Variants in MYO16 observed in about 807,000 individuals in gnomAD.
MYO16 encodes the protein myosin XVI, also known as unconventional myosin-XVI.
MYO16 carries 94 observed loss-of-function variants against 205.3 expected under a neutral mutation model. That is an observed-to-expected ratio of 0.46 (90% CI 0.39 to 0.54). The LOEUF is 0.54. Ranked by LOEUF, MYO16 falls within the 20% of genes least tolerant of loss-of-function variation. The pLI is 0.00. For synonymous variants in MYO16, 988 were observed against 954.0 expected (o/e 1.04, Z -0.66); for missense variants, 2,315 against 2,387.5 (o/e 0.97, Z 0.63).
the MYO16 span, among the ~76,000 whole-genome samples, chr13:108,580,515 T>C: frequency 6.6e-6 from 1 of 152,232 alleles, no homozygotes; most frequent in African/African-American, 2.4e-5. Context: ...TATCTGTTTA[T>C]TTGGTTAAAT....
At chr13:108,883,036 C>T in intron 12 of MYO16, 23 bp from the exon 13 acceptor site, 2 of 1,612,280 alleles carry the variant, frequency 1.2e-6, no homozygotes, top group African/African-American at 2.7e-5. Context: ...AGGTTTTCCC[C>T]TTGCTGCTGC....
chr13:109,112,110 AC>A (rs1889305851), intron 28 of MYO16, among the ~76,000 whole-genome samples: 1 of 152,236 alleles, frequency 6.6e-6, no homozygotes, highest in Non-Finnish European at 1.5e-5. Flanking sequence ...AAGAAGGTTC[AC>A]ATTGGTTTTC....
At chr13:109,018,365 C>G (rs1377504716) in intron 22 of MYO16, among the ~76,000 whole-genome samples, 1 of 152,196 alleles carries the variant, frequency 6.6e-6, no homozygotes, top group Non-Finnish European at 1.5e-5. Flanking sequence ...GAAGCTTTGT[C>G]TCAGAGGGGT....
chr13:109,196,998 T>G lies in MYO16; in HGVS notation c.5416-9611T>G, dbSNP rs551548837. On this transcript the variant is annotated intron_variant, in intron 34 of 34. Transcript: ENST00000457511. ...TGTACCTATTATAGAACAGTACAAT[T>G]TTTTCCGTGCCATCCCAAAATAATA... Among the ~76,000 whole-genome samples the G allele has an allele frequency of 2.0e-5, 3 of 152,304 alleles. No individual in the cohort carries two copies. In the East Asian group the frequency reaches 5.8e-4, roughly 29 times the overall value.
chr13:108,670,569 G>T (rs944922345), intron 2 of MYO16, among the ~76,000 whole-genome samples: 1 of 152,260 alleles, frequency 6.6e-6, no homozygotes, highest in South Asian at 2.1e-4. Flanking sequence ...ATGCAAGTAT[G>T]GGAGAACAAA....
chr13:109,153,239 T>C (rs1877779541), intron 32 of MYO16, among the ~76,000 whole-genome samples: 1 of 152,042 alleles, frequency 6.6e-6, no homozygotes, highest in Admixed American at 6.5e-5. Context: ...TACGGGCAAA[T>C]AGGAAACAAA....
chr13:108,560,667 G>A, the MYO16 span, among the ~76,000 whole-genome samples: 1 of 152,042 alleles, frequency 6.6e-6, no homozygotes, highest in South Asian at 2.1e-4. Context: ...TTAAACTGGT[G>A]TTATTTGCTT....
intron 12 of MYO16, among the ~76,000 whole-genome samples, chr13:108,870,907 TTGC>T (rs1433942720): frequency 2.6e-5 from 4 of 152,040 alleles, no homozygotes. Flanking sequence ...TTCTACATGT[TTGC>T]TATTTTATAA....
chr13:108,746,601 A>C (rs1885072475), intron 4 of MYO16, among the ~76,000 whole-genome samples: 1 of 152,196 alleles, frequency 6.6e-6, no homozygotes, highest in Non-Finnish European at 1.5e-5. Context: ...TGATCCTTAC[A>C]TATTATATAA....
At position 108,981,648 on chromosome 13, in the gene MYO16, G is replaced by A. The variant is rs979634980; in HGVS notation, c.2370-10728G>A. ...CTCCAGCCTTCAGCTGGCCAATTGC[G>A]GGGCCGCTGGGTTAGGTCATCCTGA... is the stretch of plus-strand genomic sequence containing the variant. On this transcript the variant is annotated intron_variant, in intron 20 of 34. Transcript: ENST00000457511. Among the ~76,000 whole-genome samples, 5 of 152,226 alleles carry A rather than the reference G, an allele frequency of 3.3e-5. No individual in the cohort carries two copies. The East Asian group carries it at 5.8e-4, about 18-fold the overall frequency.
intron 1 of MYO16, among the ~76,000 whole-genome samples, chr13:108,648,595 A>G (rs1880859528): frequency 6.6e-6 from 1 of 151,336 alleles, no homozygotes; most frequent in African/African-American, 2.4e-5. Flanking sequence ...TATTCTATAT[A>G]ATACAAAATA....
chr13:108,885,211 C>G (rs1038642449), intron 13 of MYO16, among the ~76,000 whole-genome samples: 6 of 152,314 alleles, frequency 3.9e-5, no homozygotes, highest in East Asian at 1.9e-4. Flanking sequence ...CCTCTGCCTC[C>G]TGGGTTCAAG....
At chr13:108,569,912 T>G in the MYO16 span, among the ~76,000 whole-genome samples, 1 of 152,216 alleles carries the variant, frequency 6.6e-6, no homozygotes, top group Non-Finnish European at 1.5e-5. Context: ...ATGGTATGTT[T>G]GATTTTCATA....
At chr13:109,026,673 T>C (rs1005941311) in intron 23 of MYO16, among the ~76,000 whole-genome samples, 5 of 152,180 alleles carry the variant, frequency 3.3e-5, no homozygotes, top group African/African-American at 1.2e-4. Context: ...TTTAAGTGAT[T>C]CCTACACTTC....
intron 22 of MYO16, among the ~76,000 whole-genome samples, chr13:109,013,044 C>T (rs1168931899): frequency 2.0e-5 from 3 of 149,930 alleles, no homozygotes; most frequent in African/African-American, 4.9e-5. Context: ...ATACATGTGC[C>T]GTGTTGGTTT....
intron 1 of MYO16, among the ~76,000 whole-genome samples, chr13:108,649,722 A>G (rs1320799852): frequency 6.6e-6 from 1 of 152,168 alleles, no homozygotes; most frequent in Non-Finnish European, 1.5e-5. Context: ...AGTAGAGTGA[A>G]GTGGTGAGAG....
At chr13:109,193,373 G>C (rs1283910791) in intron 34 of MYO16, among the ~76,000 whole-genome samples, 1 of 152,098 alleles carries the variant, frequency 6.6e-6, no homozygotes, top group East Asian at 1.9e-4. Context: ...ACTCTAACAG[G>C]TCACTGCATT....
At chr13:108,650,502 T>C (rs1001194986) in intron 1 of MYO16, among the ~76,000 whole-genome samples, 13 of 152,146 alleles carry the variant, frequency 8.5e-5, no homozygotes, top group Non-Finnish European at 1.3e-4. Context: ...CCAACCGGAA[T>C]TGAAGATGTT....
chr13:108,603,138 A>G (rs1878826610), intron 1 of MYO16, among the ~76,000 whole-genome samples: 1 of 152,220 alleles, frequency 6.6e-6, no homozygotes, highest in African/African-American at 2.4e-5. Context: ...ATCATGAAAC[A>G]CACATCTCGC....
Sources: gnomAD v4.1 joint callset for allele counts (sites outside exome capture counted in the v4.1 genomes callset) on GRCh38, gnomAD v4.1.1 for gene constraint, MANE v1.5 for transcripts, NCBI Gene and HGNC (gene_info 2026-07-23, HGNC 2026-07-21) for gene names.